FMN1: variants seen among roughly 807,000 people sequenced by gnomAD.
FMN1 encodes the protein formin-1.
A neutral mutation model predicts 132.4 loss-of-function variants in FMN1; 110 were observed. That is an observed-to-expected ratio of 0.83 (90% CI 0.71 to 0.97). FMN1 has a LOEUF of 0.97. FMN1 is among the 50% of genes least tolerant of loss of function. FMN1 has a pLI of 0.00. For missense variants in FMN1, 1,792 were observed against 1,705.3 expected (o/e 1.05, Z -0.90); for synonymous variants, 722 against 651.7 (o/e 1.11, Z -1.64).
chr15:32,869,900 T>C (rs1313700365), intron 16 of FMN1, among the ~76,000 whole-genome samples: 26 of 152,086 alleles, frequency 1.7e-4, no homozygotes. Context: ...TCCAGGGAAG[T>C]TGGGGGTGCG....
chr15:33,025,482 C>A (rs917308728), intron 6 of FMN1, among the ~76,000 whole-genome samples: 2 of 152,024 alleles, frequency 1.3e-5, no homozygotes, highest in Non-Finnish European at 2.9e-5. Flanking sequence ...ACAGGCCATG[C>A]AAAAGTAATG....
At chr15:32,923,402 C>T (rs1043858165) in intron 10 of FMN1, among the ~76,000 whole-genome samples, 2 of 152,242 alleles carry the variant, frequency 1.3e-5, no homozygotes, top group African/African-American at 2.4e-5. Flanking sequence ...CAGTCAATGA[C>T]TCCAAAGGAA....
intron 7 of FMN1, among the ~76,000 whole-genome samples, chr15:32,984,085 G>T (rs1423819862): frequency 6.6e-6 from 1 of 151,990 alleles, no homozygotes; most frequent in Non-Finnish European, 1.5e-5. Context: ...TGATGAGTGT[G>T]ATTTTTTTCA....
chr15:33,100,181 T>G (rs1057025642), intron 4 of FMN1, among the ~76,000 whole-genome samples: 2 of 125,282 alleles, frequency 1.6e-5, no homozygotes, highest in East Asian at 2.3e-4. Context: ...TTTGGTAGAA[T>G]AGAATATTTT....
intron 7 of FMN1, among the ~76,000 whole-genome samples, chr15:32,992,972 C>T (rs1325073791): frequency 6.6e-6 from 1 of 152,142 alleles, no homozygotes; most frequent in South Asian, 2.1e-4. Flanking sequence ...ACATTTCTCG[C>T]CAAGATTGTT....
intron 6 of FMN1, among the ~76,000 whole-genome samples, chr15:33,033,127 T>A (rs962322723): frequency 6.6e-6 from 1 of 151,892 alleles, no homozygotes; most frequent in African/African-American, 2.4e-5. Flanking sequence ...GCCTCCTGGG[T>A]TCACGCCATT....
At chr15:33,018,766 G>A (rs1402918113) in intron 6 of FMN1, among the ~76,000 whole-genome samples, 1 of 152,144 alleles carries the variant, frequency 6.6e-6, no homozygotes, top group African/African-American at 2.4e-5. Flanking sequence ...GTTCGGATGT[G>A]TTCGGAGTTT....
chr15:33,027,535 G>C (rs1228350952), intron 6 of FMN1, among the ~76,000 whole-genome samples: 1 of 152,188 alleles, frequency 6.6e-6, no homozygotes, highest in Non-Finnish European at 1.5e-5. Context: ...TAGAATCACG[G>C]ACAGCCAGAA....
At chr15:32,800,702 C>G (rs1046493971) in intron 18 of FMN1, among the ~76,000 whole-genome samples, 5 of 152,184 alleles carry the variant, frequency 3.3e-5, no homozygotes, top group Non-Finnish European at 5.9e-5. Flanking sequence ...TGGCATTATT[C>G]CCTGGTAGGG....
Position 33,022,863 on chromosome 15 carries a change from T to C in FMN1, c.2162-14788A>G, listed in dbSNP as rs74013222. 8.6e-3 allele frequency among the ~76,000 whole-genome samples: 1,313 copies of C among 151,974 alleles called. 18 individuals are homozygous for C. The highest frequency in any genetic ancestry group is 0.031 in the African/African-American group (1,267 of 41,442). ...GTAGTTCCCAGATGGGAAAGGGAAGTTGGAAGAGGTTGTCAACTGCTGCCT... is the reference window on the plus strand; with the variant it reads ...GTAGTTCCCAGATGGGAAAGGGAAGCTGGAAGAGGTTGTCAACTGCTGCCT... On this transcript the variant is annotated intron_variant, in intron 6 of 20. Coordinates refer to ENST00000616417, the MANE Select transcript of FMN1 (RefSeq NM_001277313.2).
At chr15:33,071,475 CA>C (rs1890778639) in intron 5 of FMN1, among the ~76,000 whole-genome samples, 1 of 152,150 alleles carries the variant, frequency 6.6e-6, no homozygotes. Flanking sequence ...GCTGTGAGGA[CA>C]TAAGAATGAA....
At chr15:33,105,063 T>C (rs1382364371) in intron 4 of FMN1, among the ~76,000 whole-genome samples, 1 of 152,042 alleles carries the variant, frequency 6.6e-6, no homozygotes, top group Non-Finnish European at 1.5e-5. Context: ...ACATAGTACA[T>C]GCTCTGGTCT....
chr15:32,895,660 A>G, intron 15 of FMN1, among the ~76,000 whole-genome samples: 1 of 152,140 alleles, frequency 6.6e-6, no homozygotes, highest in East Asian at 1.9e-4. Context: ...CTATATATCT[A>G]GTTGGCAATT....
At chr15:33,013,625 CT>C (rs1411466505) in intron 6 of FMN1, among the ~76,000 whole-genome samples, 1 of 152,160 alleles carries the variant, frequency 6.6e-6, no homozygotes, top group Non-Finnish European at 1.5e-5. Context: ...CTTTTGAAAA[CT>C]GGTTACATTC....
intron 17 of FMN1, among the ~76,000 whole-genome samples, chr15:32,827,394 C>G (rs1031965549): frequency 6.6e-6 from 1 of 152,156 alleles, no homozygotes; most frequent in Non-Finnish European, 1.5e-5. Flanking sequence ...CTACTATTCA[C>G]TTAAATAAAA....
intron 17 of FMN1, among the ~76,000 whole-genome samples, chr15:32,834,564 A>G (rs2058580767): frequency 6.6e-6 from 1 of 152,190 alleles, no homozygotes; most frequent in African/African-American, 2.4e-5. Flanking sequence ...AAAGAAACCG[A>G]CTGCCATCAT....
intron 13 of FMN1, 27 bp downstream of exon 13, chr15:32,901,884 A>G (rs1302789442): frequency 6.3e-7 from 1 of 1,585,910 alleles, no homozygotes; most frequent in Non-Finnish European, 8.6e-7. Context: ...GAGCAAGGCT[A>G]TCTTTTAAAT....
At position 32,777,466 on chromosome 15, in the gene FMN1, C is replaced by CATATA. The variant is rs1337176743; in HGVS notation, c.4131-548_4131-547insTATAT. On this transcript the variant is annotated intron_variant, in intron 19 of 20. Coordinates refer to ENST00000616417, the MANE Select transcript of FMN1 (RefSeq NM_001277313.2). ...ATTTATATATTATATTTATATATTA[C>CATATA]GTATATTTATATATTATATTTATAT... Among the ~76,000 whole-genome samples the CATATA allele has an allele frequency of 3.6e-3, 19 of 5,222 alleles. 4 individuals carry two copies. In the East Asian group the frequency reaches 0.39, roughly 108 times the overall value. 3.4% of individuals were successfully genotyped at this position (5,222 alleles called of 152,430 possible).
chr15:32,939,182 G>A (rs2061346758), intron 9 of FMN1, among the ~76,000 whole-genome samples: 1 of 152,158 alleles, frequency 6.6e-6, no homozygotes, highest in African/African-American at 2.4e-5. Context: ...AATACTTCAG[G>A]CTCAAGAGTC....
Sources: allele counts gnomAD v4.1 joint callset (sites outside exome capture counted in the v4.1 genomes callset), GRCh38; gene constraint gnomAD v4.1.1; transcripts MANE v1.5; gene names NCBI Gene and HGNC (gene_info 2026-07-23, HGNC 2026-07-21).